Variants in NLRC5 observed in about 807,000 individuals in gnomAD.
NLRC5 encodes the protein NLR family CARD domain containing 5.
In NLRC5, 114 loss-of-function variants were observed where a neutral mutation model predicts 206.9. The ratio of observed to expected loss-of-function variants is 0.55; its 90% CI spans 0.47 to 0.64. The LOEUF is 0.64. Ranked by LOEUF, NLRC5 falls within the 30% of genes least tolerant of loss-of-function variation. The pLI, the probability that NLRC5 is intolerant of heterozygous loss-of-function variation, is 0.00. For missense variants in NLRC5, 2,008 were observed against 2,305.5 expected, an observed-to-expected ratio of 0.87 and a Z score of 2.64; for synonymous variants, 952 against 962.8, an observed-to-expected ratio of 0.99 and a Z score of 0.21.
intron 11 of NLRC5, 77 bp from the exon 12 acceptor site, chr16:57,033,527 G>A: frequency 7.0e-7 from 1 of 1,435,550 alleles, no homozygotes; most frequent in African/African-American, 1.4e-5. Context: ...TCAGCCTCTA[G>A]AAGCCAAGGA....
intron 40 of NLRC5, 144 bp from the exon 41 acceptor site, chr16:57,077,152 A>G (rs1255526577): frequency 2.7e-6 from 2 of 747,208 alleles, no homozygotes; most frequent in African/African-American, 1.7e-5. Flanking sequence ...AAGGGTTAGG[A>G]GCTGTCACTC....
rs1161049485 is a variant in NLRC5, at chr16:57,077,528, A to T, written c.4919+149A>T. 6.6e-6 allele frequency: 6 copies of T among 913,538 alleles called. No individual in the cohort carries two copies. The East Asian group carries it at 1.6e-4, about 24-fold the overall frequency. The allele number at this position is 913,538 out of a possible 1,614,324, so 56.6% of individuals were successfully genotyped here. On this transcript the variant is annotated intron_variant, in intron 41 of 48. Coordinates refer to ENST00000688547, the MANE Select transcript of NLRC5 (RefSeq NM_001384950.1). The stretch of plus-strand genomic sequence containing the variant: ...GGGGCTCGGTGACCTCCTGGCCCTC[A>T]CTGCGGGACCTTAAGCCACCCCAGC...
intron 15 of NLRC5, among the ~76,000 whole-genome samples, chr16:57,037,796 G>A (rs992866476): frequency 3.9e-5 from 6 of 152,180 alleles, no homozygotes; most frequent in East Asian, 1.9e-4. Context: ...AAGTCTCGCC[G>A]TTGAGTATGG....
chr16:57,028,260 T>TC (rs759001805), intron 7 of NLRC5, 42 bp from the exon 8 acceptor site: 1 of 1,599,442 alleles, frequency 6.3e-7, no homozygotes, highest in South Asian at 1.1e-5. Flanking sequence ...CCCGCCCTTT[T>TC]CCCCTCCTCG....
chr16:57,067,537 C>G, intron 35 of NLRC5, 67 bp downstream of exon 35: 1 of 1,474,118 alleles, frequency 6.8e-7, no homozygotes, highest in South Asian at 1.1e-5. Context: ...TACTCCAGGC[C>G]ATGTGTGACC....
intron 11 of NLRC5, 105 bp from the exon 12 acceptor site, chr16:57,033,499 G>T (rs537821937): frequency 3.9e-6 from 4 of 1,022,540 alleles, no homozygotes; most frequent in Non-Finnish European, 6.2e-6. Flanking sequence ...ACTCACTTTG[G>T]GTTGTGCTTC....
chr16:57,082,780 C>T lies in NLRC5; in HGVS notation c.*252C>T. ...TGATCAATTGGGGACATGCGACACA[C>T]AATGAGGGTGTCATGACAATGCATG... is the stretch of plus-strand genomic sequence containing the variant. On this transcript the variant is annotated 3_prime_UTR_variant, in exon 49 of 49. Transcript: ENST00000688547. The T allele has an allele frequency of 2.5e-6, 1 of 395,586 alleles. No individual in the cohort carries two copies. The allele number at this position is 395,586 out of a possible 1,614,324, so 24.5% of individuals were successfully genotyped here.
At chr16:57,057,555 A>G (rs1211464237) in intron 27 of NLRC5, among the ~76,000 whole-genome samples, 1 of 150,512 alleles carries the variant, frequency 6.6e-6, no homozygotes, top group African/African-American at 2.5e-5. Flanking sequence ...GCATCCTGCA[A>G]ACATTTTTTT....
chr16:57,030,656 ATGG>A (rs2061773609), intron 10 of NLRC5, among the ~76,000 whole-genome samples: 2 of 151,944 alleles, frequency 1.3e-5, no homozygotes, highest in Non-Finnish European at 2.9e-5. Flanking sequence ...GGATGGATGG[ATGG>A]ATGGATGAAG....
chr16:57,050,106 T>TAAAA (rs368833472), intron 23 of NLRC5, among the ~76,000 whole-genome samples: 15 of 144,292 alleles, frequency 1.0e-4, no homozygotes, highest in Non-Finnish European at 1.5e-4. Flanking sequence ...TCCATTGCTT[T>TAAAA]AAAAAAAAAA....
intron 39 of NLRC5, among the ~76,000 whole-genome samples, chr16:57,076,410 C>T (rs1159705075): frequency 6.6e-6 from 1 of 152,324 alleles, no homozygotes; most frequent in Admixed American, 6.5e-5. Context: ...AACACATATG[C>T]CCCTGAGAAC....
At chr16:56,993,620 A>G (rs192374555) in intron 1 of NLRC5, among the ~76,000 whole-genome samples, 1 of 152,308 alleles carries the variant, frequency 6.6e-6, no homozygotes. Context: ...CCATATTTGC[A>G]AATCTGGGAG....
chr16:57,045,567 C>G, intron 21 of NLRC5, 75 bp downstream of exon 21: 1 of 1,438,930 alleles, frequency 6.9e-7, no homozygotes, highest in Admixed American at 1.7e-5. Context: ...CCCCCACCCC[C>G]AGACCCATGC....
intron 20 of NLRC5, among the ~76,000 whole-genome samples, chr16:57,044,843 G>A (rs1480113740): frequency 2.0e-5 from 3 of 151,782 alleles, no homozygotes; most frequent in African/African-American, 2.4e-5. Context: ...TCAGGAGATC[G>A]AGGCTACAGT....
intron 2 of NLRC5, among the ~76,000 whole-genome samples, chr16:57,018,191 G>A (rs1223983946): frequency 6.6e-6 from 1 of 152,182 alleles, no homozygotes; most frequent in Non-Finnish European, 1.5e-5. Flanking sequence ...ATGGATGCTG[G>A]ACACCATAGC....
rs752263440 is a variant in NLRC5 at position 57,040,652 on chromosome 16, C to T, written c.2873C>T (p.Ala958Val). The T allele has an allele frequency of 1.2e-6, 2 of 1,614,138 alleles. No homozygotes were observed. The highest frequency in any genetic ancestry group is 2.2e-5 in the East Asian group (1 of 44,884). ...TGGCCTTGGTGATGTCCCTCCAGGG[C>T]TGCATTTCTTGACAGCCTCATGCTC... The part of the protein sequence containing the change: ...PEEQKGPQER[A>V]AFLDSLMLQM... Residue 958 changes from alanine (A) to valine (V), a missense_variant and splice_region_variant, in exon 17 of 49, where the codon GCT (alanine) becomes GTT (valine). Ala to Val is a moderately conservative substitution (Grantham distance 64, BLOSUM62 0). Coordinates refer to ENST00000688547, the MANE Select transcript of NLRC5 (RefSeq NM_001384950.1).
In NLRC5 at chr16:57,023,888, A is replaced by G. The variant is rs777696425; in HGVS notation, c.424+35A>G. On this transcript the variant is annotated intron_variant, in intron 5 of 48. Transcript: ENST00000688547. Reference sequence around the variant, plus strand: ...AGTGTGGGGAGGAACATAAACAGAGAGATGGGGTTGCCTGGGGGCCAAGAC... The same window carrying G: ...AGTGTGGGGAGGAACATAAACAGAGGGATGGGGTTGCCTGGGGGCCAAGAC... 9 of 1,580,786 alleles carry G rather than the reference A, an allele frequency of 5.7e-6. No individual in the cohort carries two copies. The Admixed American group carries it at 1.6e-4, about 28-fold the overall frequency.
intron 23 of NLRC5, among the ~76,000 whole-genome samples, chr16:57,049,898 C>A (rs1248964397): frequency 6.6e-6 from 1 of 151,974 alleles, no homozygotes; most frequent in Non-Finnish European, 1.5e-5. Context: ...GTACTGTGAT[C>A]ACTTGCAGGA....
intron 39 of NLRC5, among the ~76,000 whole-genome samples, chr16:57,076,429 G>A (rs527389754): frequency 1.3e-5 from 2 of 152,214 alleles, no homozygotes; most frequent in Non-Finnish European, 2.9e-5. Flanking sequence ...ACTGATCTGC[G>A]TGAATCAGAG....
Sources: allele counts gnomAD v4.1 joint callset (sites outside exome capture counted in the v4.1 genomes callset), GRCh38; gene constraint gnomAD v4.1.1; transcripts MANE v1.5; gene names NCBI Gene and HGNC (gene_info 2026-07-23, HGNC 2026-07-21).